The following LEF1 variants were observed in gnomAD, a reference collection of about 807,000 sequenced individuals.
LEF1 encodes lymphoid enhancer binding factor 1, also known as lymphoid enhancer-binding factor 1.
A neutral mutation model predicts 51.2 loss-of-function variants in LEF1; 14 were observed. That is an observed-to-expected ratio of 0.27 (90% confidence interval 0.18 to 0.43). LEF1 has a LOEUF of 0.43. Ranked by LOEUF, LEF1 falls within the 20% of genes least tolerant of loss-of-function variation. LEF1 has a pLI of 1.00. For missense variants in LEF1, 386 were observed against 512.0 expected, an observed-to-expected ratio of 0.75 and a Z score of 2.37; for synonymous variants, 185 against 183.2, an observed-to-expected ratio of 1.01 and a Z score of -0.08.
In LEF1 at chr4:108,138,889, T is replaced by C. The variant is rs571668918; in HGVS notation, c.414+24679A>G. Among the ~76,000 whole-genome samples, 362 of 152,358 alleles carry C rather than the reference T, an allele frequency of 2.4e-3. 2 individuals are homozygous for C. The highest frequency in any genetic ancestry group is 3.4e-3 in the Non-Finnish European group (228 of 68,038). On this transcript the variant is annotated intron_variant, in intron 3 of 11. Transcript: ENST00000265165. The stretch of plus-strand genomic sequence containing the variant: ...ATTTTCCTCCTCTGCCTTCCCTTCC[T>C]TGCATGTAAACATGAAGCCACTCGT...
intron 3 of LEF1, among the ~76,000 whole-genome samples, chr4:108,128,925 A>G (rs550935003): frequency 6.6e-6 from 1 of 152,340 alleles, no homozygotes; most frequent in South Asian, 2.1e-4. Flanking sequence ...GTTGTCTCTA[A>G]CAATCAAATA....
chr4:108,049,018 T>C (rs1056530114), intron 11 of LEF1, among the ~76,000 whole-genome samples: 5 of 152,118 alleles, frequency 3.3e-5, no homozygotes, highest in African/African-American at 1.2e-4. Context: ...CTCTGGGTCA[T>C]GGTAAACAGA....
intron 3 of LEF1, among the ~76,000 whole-genome samples, chr4:108,125,726 T>C (rs1742485720): frequency 1.3e-5 from 2 of 152,090 alleles, no homozygotes; most frequent in Non-Finnish European, 2.9e-5. Flanking sequence ...TTTTTTTTTT[T>C]TTTAGCACGC....
intron 3 of LEF1, among the ~76,000 whole-genome samples, chr4:108,118,103 TC>T (rs1453751956): frequency 6.6e-6 from 1 of 152,166 alleles, no homozygotes; most frequent in Non-Finnish European, 1.5e-5. Context: ...TTGCATAAGA[TC>T]CCACAGCTAA....
intron 3 of LEF1, among the ~76,000 whole-genome samples, chr4:108,122,070 T>C (rs927469045): frequency 2.6e-5 from 4 of 152,218 alleles, no homozygotes; most frequent in Non-Finnish European, 5.9e-5. Context: ...ATTCTAGAGT[T>C]GTTGGATATA....
At chr4:108,070,419 T>A (rs1168658849) in intron 9 of LEF1, 1 of 312,176 alleles carries the variant, frequency 3.2e-6, no homozygotes, top group African/African-American at 2.2e-5. Flanking sequence ...ATTTTAATAA[T>A]AAGGTATTAG....
intron 11 of LEF1, among the ~76,000 whole-genome samples, chr4:108,055,430 GA>G (rs2126256836): frequency 6.6e-6 from 1 of 152,264 alleles, no homozygotes; most frequent in South Asian, 2.1e-4. Context: ...TGCTGAAGAA[GA>G]CAGAGTTGCA....
intron 3 of LEF1, among the ~76,000 whole-genome samples, chr4:108,101,103 C>T (rs566737516): frequency 1.3e-5 from 2 of 152,254 alleles, no homozygotes; most frequent in East Asian, 1.9e-4. Context: ...CTTTACTGCA[C>T]AGCAATGAGA....
intron 3 of LEF1, among the ~76,000 whole-genome samples, chr4:108,138,944 T>C (rs934041680): frequency 6.6e-6 from 1 of 152,200 alleles, no homozygotes; most frequent in African/African-American, 2.4e-5. Flanking sequence ...CCTGGAAGGA[T>C]AACAAGGATG....
chr4:108,092,008 T>G (rs145340687), intron 3 of LEF1, among the ~76,000 whole-genome samples: 2 of 152,328 alleles, frequency 1.3e-5, no homozygotes, highest in East Asian at 3.9e-4. Flanking sequence ...CTGGATATAT[T>G]CTTTCTTTCC....
chr4:108,155,510 T>C (rs765502718), intron 3 of LEF1, among the ~76,000 whole-genome samples: 4 of 152,220 alleles, frequency 2.6e-5, no homozygotes, highest in Non-Finnish European at 5.9e-5. Context: ...GATGGCACAA[T>C]AGGAACCGAA....
chr4:108,091,933 T>C lies in LEF1; in HGVS notation c.415-2676A>G, dbSNP rs537447741. Among the ~76,000 whole-genome samples the C allele has an allele frequency of 3.3e-5, 5 of 152,280 alleles. No individual in the cohort carries two copies. In the South Asian group the frequency reaches 1.0e-3, roughly 32 times the overall value. On this transcript the variant is annotated intron_variant, in intron 3 of 11. Transcript: ENST00000265165. ...TAAAAGTCTCATAAATAAGCATAAT[T>C]GCCAAACAATCTACAAAGATATTTT...
intron 3 of LEF1, among the ~76,000 whole-genome samples, chr4:108,116,392 C>G (rs1741844355): frequency 6.6e-6 from 1 of 152,154 alleles, no homozygotes; most frequent in Non-Finnish European, 1.5e-5. Flanking sequence ...CGTGGTGGCA[C>G]ATGCCTGTGG....
rs112396438 is a variant in LEF1, at chr4:108,078,388, AGGT to A, written c.846-9_846-7del. On this transcript the variant is annotated splice_region_variant and splice_polypyrimidine_tract_variant and intron_variant, in intron 7 of 11. Transcript: ENST00000265165. ...TCTGTTCATGCTGAGGCTTCCTAAA[AGGT>A]GGTGGTGGTGGTGGTTAGGGGAAGG... The A allele has an allele frequency of 7.4e-6, 12 of 1,612,916 alleles. No homozygotes were observed. The highest frequency in any genetic ancestry group is 2.2e-5 in the South Asian group (2 of 91,044).
At chr4:108,089,346 A>G (rs1444933073) in intron 3 of LEF1, 89 bp from the exon 4 acceptor site, 2 of 1,382,816 alleles carry the variant, frequency 1.4e-6, no homozygotes, top group Non-Finnish European at 2.0e-6. Context: ...AGCAGCAGTA[A>G]CCAGTCATCA....
chr4:108,133,178 T>G (rs1268860287), intron 3 of LEF1, among the ~76,000 whole-genome samples: 11 of 152,088 alleles, frequency 7.2e-5, no homozygotes, highest in African/African-American at 2.4e-4. Context: ...TTCACCATGT[T>G]GGTCAGGCTG....
At chr4:108,063,574 C>T (rs1737843964) in intron 11 of LEF1, 49 bp downstream of exon 11, 3 of 1,464,302 alleles carry the variant, frequency 2.0e-6, no homozygotes, top group South Asian at 1.2e-5. Context: ...GCAAGTGCCT[C>T]TTTTTATAAC....
chr4:108,122,560 C>T (rs1443179784), intron 3 of LEF1, among the ~76,000 whole-genome samples: 2 of 152,178 alleles, frequency 1.3e-5, no homozygotes, highest in Non-Finnish European at 2.9e-5. Flanking sequence ...TCACTGCAGC[C>T]TCGACCTCTT....
At chr4:108,063,933 A>C (rs1431871988) in intron 10 of LEF1, among the ~76,000 whole-genome samples, 2 of 152,238 alleles carry the variant, frequency 1.3e-5, no homozygotes, top group Non-Finnish European at 2.9e-5. Flanking sequence ...CCCAAATCAC[A>C]AAAGAGATTC....
Sources: gnomAD v4.1 joint callset for allele counts (sites outside exome capture counted in the v4.1 genomes callset) on GRCh38, gnomAD v4.1.1 for gene constraint, MANE v1.5 for transcripts, NCBI Gene and HGNC (gene_info 2026-07-23, HGNC 2026-07-21) for gene names.